PPP1R12B: variants seen among roughly 807,000 people sequenced by gnomAD.
The protein encoded by PPP1R12B is myosin phosphatase target subunit 2.
In PPP1R12B, 76 loss-of-function variants were observed where a neutral mutation model predicts 126.1. That is an observed-to-expected ratio of 0.60 (90% CI 0.50 to 0.73). The LOEUF (loss-of-function observed/expected upper bound fraction) is 0.73. Ranked by LOEUF, PPP1R12B falls within the 30% of genes least tolerant of loss-of-function variation. The probability of loss-of-function intolerance (pLI) is 0.00; values close to 1 mark genes in which losing one functional copy is unlikely to be tolerated. For missense variants in PPP1R12B, 1,052 were observed against 1,205.1 expected (o/e 0.87, Z 1.88); for synonymous variants, 356 against 434.7 (o/e 0.82, Z 2.25).
At chr1:202,500,932 T>C (rs1023620491) in intron 18 of PPP1R12B, among the ~76,000 whole-genome samples, 1 of 152,202 alleles carries the variant, frequency 6.6e-6, no homozygotes, top group Non-Finnish European at 1.5e-5. Flanking sequence ...AGGAACATGC[T>C]TAGAAGGCTG....
chr1:202,405,157 A>AT (rs1170565864), intron 1 of PPP1R12B, among the ~76,000 whole-genome samples: 1 of 152,020 alleles, frequency 6.6e-6, no homozygotes, highest in Non-Finnish European at 1.5e-5. Context: ...ATCTTCTTAG[A>AT]TTTTCTGCTT....
At chr1:202,364,360 A>G (rs969668384) in intron 1 of PPP1R12B, among the ~76,000 whole-genome samples, 2 of 152,032 alleles carry the variant, frequency 1.3e-5, no homozygotes, top group Non-Finnish European at 2.9e-5. Context: ...TTCCAAGATA[A>G]CTAATCTAAG....
At chr1:202,550,755 T>C (rs1451758425) in intron 18 of PPP1R12B, among the ~76,000 whole-genome samples, 2 of 152,232 alleles carry the variant, frequency 1.3e-5, no homozygotes, top group African/African-American at 4.8e-5. Flanking sequence ...TCCTATATAG[T>C]ACACAGCATG....
At position 202,394,357 on chromosome 1, in the gene PPP1R12B, A is replaced by G. The variant is rs184131774; in HGVS notation, c.292-22430A>G. 3.3e-3 allele frequency among the ~76,000 whole-genome samples: 507 copies of G among 152,352 alleles called. 1 individual carries two copies. Among genetic ancestry groups the G allele is most frequent in the Admixed American group, 5.2e-3 (79 of 15,308 alleles). On this transcript the variant is annotated intron_variant, in intron 1 of 23. Transcript: ENST00000608999. ...ATATATGAAAAGTACATGTAAGCACATAAGTATCTGGACAGTATTTTAGCA... is the reference window on the plus strand; with the variant it reads ...ATATATGAAAAGTACATGTAAGCACGTAAGTATCTGGACAGTATTTTAGCA...
intron 18 of PPP1R12B, among the ~76,000 whole-genome samples, chr1:202,514,278 G>A (rs573400197): frequency 2.0e-5 from 3 of 151,414 alleles, no homozygotes; most frequent in African/African-American, 7.3e-5. Context: ...TTTTTAATTG[G>A]GTTTTGTTTT....
chr1:202,447,147 TAAAG>T (rs1254032125), intron 12 of PPP1R12B, among the ~76,000 whole-genome samples: 1 of 152,216 alleles, frequency 6.6e-6, no homozygotes, highest in Non-Finnish European at 1.5e-5. Context: ...ATTCAGTTCA[TAAAG>T]AAGAAAGGGA....
chr1:202,370,955 C>T (rs1465678525), intron 1 of PPP1R12B, among the ~76,000 whole-genome samples: 2 of 147,346 alleles, frequency 1.4e-5, no homozygotes, highest in Non-Finnish European at 3.0e-5. Flanking sequence ...TTGTTGATAT[C>T]TGATATTGTC....
At chr1:202,555,861 A>G (rs116508323) in intron 18 of PPP1R12B, among the ~76,000 whole-genome samples, 2,180 of 152,054 alleles carry the variant, frequency 0.014, 65 homozygotes, top group African/African-American at 0.05. Context: ...ACCAGCATCA[A>G]TAGCCAATAT....
chr1:202,439,035 C>A, intron 10 of PPP1R12B: 3 of 1,371,614 alleles, frequency 2.2e-6, no homozygotes, highest in Non-Finnish European at 3.1e-6. Flanking sequence ...TACCAGTGGG[C>A]GGACTTCATC....
intron 18 of PPP1R12B, among the ~76,000 whole-genome samples, chr1:202,532,579 A>G (rs1684066918): frequency 6.6e-6 from 1 of 152,146 alleles, no homozygotes; most frequent in South Asian, 2.1e-4. Flanking sequence ...AAATTGATTC[A>G]TAACCTAATA....
intron 1 of PPP1R12B, among the ~76,000 whole-genome samples, chr1:202,359,714 G>A (rs2148402169): frequency 6.6e-6 from 1 of 152,092 alleles, no homozygotes; most frequent in African/African-American, 2.4e-5. Context: ...TAAGGCAGGA[G>A]AATCACTTGA....
Position 202,580,460 on chromosome 1 carries a change from C to G in PPP1R12B, c.2863-14C>G, listed in dbSNP as rs773117546. On this transcript the variant is annotated splice_polypyrimidine_tract_variant and intron_variant, in intron 23 of 23. Coordinates refer to ENST00000608999, the MANE Select transcript of PPP1R12B (RefSeq NM_002481.4). ...GCCAGGCTCTAACTCACCTTTCCCT[C>G]TGTCACCCTACAGGTGTTAACAGAA... 4 of 1,608,370 alleles carry G rather than the reference C, an allele frequency of 2.5e-6. No individual in the cohort carries two copies. The highest frequency in any genetic ancestry group is 2.2e-5 in the South Asian group (2 of 90,952).
intron 18 of PPP1R12B, among the ~76,000 whole-genome samples, chr1:202,535,039 TTATG>T (rs1558343665): frequency 6.6e-6 from 1 of 150,872 alleles, no homozygotes; most frequent in African/African-American, 2.5e-5. Flanking sequence ...TGATGGATGA[TTATG>T]TGTGTGTGTG....
intron 13 of PPP1R12B, among the ~76,000 whole-genome samples, chr1:202,475,703 C>T (rs1336431332): frequency 6.6e-6 from 1 of 152,108 alleles, no homozygotes; most frequent in African/African-American, 2.4e-5. Flanking sequence ...TTTTTTGTGT[C>T]TACCTGAAGT....
intron 18 of PPP1R12B, among the ~76,000 whole-genome samples, chr1:202,516,383 T>G (rs189278710): frequency 1.3e-5 from 2 of 152,232 alleles, no homozygotes; most frequent in East Asian, 3.9e-4. Flanking sequence ...TAGCTACCAA[T>G]AGTCCTCTGT....
chr1:202,417,095 C>T (rs924864583), intron 2 of PPP1R12B, among the ~76,000 whole-genome samples, 178 bp downstream of exon 2: 5 of 152,130 alleles, frequency 3.3e-5, no homozygotes, highest in African/African-American at 1.2e-4. Flanking sequence ...TGTAAAGTTG[C>T]TAAATCCATA....
At position 202,449,694 on chromosome 1, in the gene PPP1R12B, T is replaced by C. The variant is rs555136218; in HGVS notation, c.1850+523T>C. ...TTAACGCCGTTATGGATTTATTTTT[T>C]TTATTTTTTTGAGACGGAGTCTTGC... On this transcript the variant is annotated intron_variant, in intron 13 of 23. Coordinates refer to ENST00000608999, the MANE Select transcript of PPP1R12B (RefSeq NM_002481.4). 1.4e-4 allele frequency among the ~76,000 whole-genome samples: 22 copies of C among 151,980 alleles called. No homozygotes were observed. In the East Asian group the frequency reaches 3.9e-3, roughly 27 times the overall value.
chr1:202,514,212 T>C (rs1480137087), intron 18 of PPP1R12B, among the ~76,000 whole-genome samples: 1 of 152,212 alleles, frequency 6.6e-6, no homozygotes, highest in Non-Finnish European at 1.5e-5. Context: ...TTCATATGCT[T>C]GTTGACTGCA....
Position 202,589,630 on chromosome 1 carries a change from G to A in PPP1R12B, c.*9070G>A, listed in dbSNP as rs1364977163. On this transcript the variant is annotated 3_prime_UTR_variant, in exon 24 of 24. Coordinates refer to ENST00000608999, the MANE Select transcript of PPP1R12B (RefSeq NM_002481.4). ...GCCGTCACGTGGTCCAGCCCTCTTG[G>A]GGGGAAAGGAGAAGGCCACAACCTA... 1 of 152,218 alleles carries A rather than the reference G, an allele frequency of 6.6e-6. No individual in the cohort carries two copies. The highest frequency in any genetic ancestry group is 2.4e-5 in the African/African-American group (1 of 41,438). 9.4% of individuals were successfully genotyped at this position (152,218 alleles called of 1,614,324 possible). A position where few individuals can be genotyped will look rare whatever the true frequency, so the allele number is the denominator to read the frequency against.
Sources: allele counts gnomAD v4.1 joint callset (sites outside exome capture counted in the v4.1 genomes callset), GRCh38; gene constraint gnomAD v4.1.1; transcripts MANE v1.5; gene names NCBI Gene and HGNC (gene_info 2026-07-23, HGNC 2026-07-21).